Variants in LRBA observed in about 807,000 individuals in gnomAD.
The protein encoded by LRBA is lipopolysaccharide-responsive and beige-like anchor protein.
Under a neutral mutation model 330.0 loss-of-function variants are expected in LRBA, and 176 were observed. The observed-to-expected ratio is 0.53, with a 90% confidence interval of 0.47 to 0.60. LRBA has a LOEUF of 0.60. Ranked by LOEUF, LRBA falls within the 20% of genes least tolerant of loss-of-function variation. The pLI is 0.00. For synonymous variants in LRBA, 1,230 were observed against 1,193.0 expected (o/e 1.03, Z -0.64); for missense variants, 3,259 against 3,444.8 (o/e 0.95, Z 1.35).
intron 33 of LRBA, among the ~76,000 whole-genome samples, chr4:150,803,079 T>TACACACACACACACACAC (rs1203657007): frequency 9.2e-5 from 10 of 108,238 alleles, no homozygotes; most frequent in African/African-American, 4.0e-4. Context: ...AAAAAAAATA[T>TACACACACACACACACAC]ATATACACAC....
intron 40 of LRBA, among the ~76,000 whole-genome samples, chr4:150,507,995 G>T (rs112332170): frequency 2.7e-5 from 4 of 146,820 alleles, no homozygotes; most frequent in Non-Finnish European, 6.0e-5. Flanking sequence ...ACCAAACACC[G>T]CATGTTCTCA....
At chr4:150,402,861 A>C (rs1483735505) in intron 47 of LRBA, among the ~76,000 whole-genome samples, 1 of 152,216 alleles carries the variant, frequency 6.6e-6, no homozygotes, top group African/African-American at 2.4e-5. Context: ...ACCGGACCAC[A>C]AAAAACTAAG....
intron 36 of LRBA, among the ~76,000 whole-genome samples, chr4:150,687,771 T>G (rs980730162): frequency 6.6e-6 from 1 of 152,002 alleles, no homozygotes; most frequent in South Asian, 2.1e-4. Flanking sequence ...CTACCTAATT[T>G]TACTATTCAT....
chr4:150,341,842 T>C (rs1488291552), intron 48 of LRBA, among the ~76,000 whole-genome samples: 1 of 151,768 alleles, frequency 6.6e-6, no homozygotes, highest in Non-Finnish European at 1.5e-5. Flanking sequence ...CTAGATAGCT[T>C]TCAACCTTTG....
At chr4:150,380,574 TAAAA>T (rs879741224) in intron 47 of LRBA, among the ~76,000 whole-genome samples, 3 of 138,850 alleles carry the variant, frequency 2.2e-5, no homozygotes, top group Non-Finnish European at 3.1e-5. Flanking sequence ...AATTACTGAC[TAAAA>T]AAAAAAAAAT....
At chr4:150,436,898 T>G (rs1435014687) in intron 44 of LRBA, 34 bp from the exon 45 acceptor site, 2 of 1,593,928 alleles carry the variant, frequency 1.3e-6, no homozygotes, top group Non-Finnish European at 1.7e-6. Flanking sequence ...AAAGAATACA[T>G]CAATGTAATC....
chr4:150,425,135 T>A (rs1048423196), intron 46 of LRBA, among the ~76,000 whole-genome samples: 1 of 152,244 alleles, frequency 6.6e-6, no homozygotes, highest in Admixed American at 6.5e-5. Flanking sequence ...AGTTCAAAAT[T>A]ATCTCTTTTG....
intron 47 of LRBA, among the ~76,000 whole-genome samples, chr4:150,392,958 T>C (rs1744206777): frequency 6.6e-6 from 1 of 151,678 alleles, no homozygotes; most frequent in South Asian, 2.1e-4. Context: ...ATGGCACATG[T>C]ATACCTATGT....
chr4:150,920,367 G>C (rs1458811918), intron 5 of LRBA, among the ~76,000 whole-genome samples: 1 of 152,128 alleles, frequency 6.6e-6, no homozygotes, highest in Non-Finnish European at 1.5e-5. Context: ...TGGCCAACAT[G>C]GCAAAACCCC....
chr4:150,934,765 T>A (rs866181798), intron 2 of LRBA, among the ~76,000 whole-genome samples: 1 of 151,980 alleles, frequency 6.6e-6, no homozygotes, highest in African/African-American at 2.4e-5. Context: ...TCCCAGCACT[T>A]TGGGAGGCCG....
chr4:150,806,202 C>A, intron 33 of LRBA, 69 bp downstream of exon 33: 2 of 1,187,452 alleles, frequency 1.7e-6, no homozygotes, highest in Non-Finnish European at 2.3e-6. Flanking sequence ...CATGTTATTT[C>A]ATTATCCATG....
intron 40 of LRBA, among the ~76,000 whole-genome samples, chr4:150,508,095 A>C (rs1351611948): frequency 1.3e-4 from 18 of 136,138 alleles, no homozygotes; most frequent in African/African-American, 4.8e-4. Flanking sequence ...GGGGGAGGGG[A>C]GGGATAGCAT....
At chr4:150,621,895 A>G (rs757567263) in intron 37 of LRBA, among the ~76,000 whole-genome samples, 12 of 152,186 alleles carry the variant, frequency 7.9e-5, no homozygotes, top group Non-Finnish European at 1.6e-4. Flanking sequence ...CTTTTGATCA[A>G]TGTAAAGAAG....
intron 13 of LRBA, among the ~76,000 whole-genome samples, chr4:150,904,349 TA>T (rs1294142387): frequency 6.6e-6 from 1 of 152,064 alleles, no homozygotes; most frequent in Non-Finnish European, 1.5e-5. Context: ...GTCTTTACAA[TA>T]AAATAAAAGC....
At chr4:150,745,235 GA>G (rs1732530048) in intron 35 of LRBA, among the ~76,000 whole-genome samples, 1 of 152,172 alleles carries the variant, frequency 6.6e-6, no homozygotes, top group South Asian at 2.1e-4. Context: ...CTGACCCACA[GA>G]AACTGTAGGA....
At chr4:150,931,957 C>T (rs1290295548) in intron 2 of LRBA, among the ~76,000 whole-genome samples, 1 of 151,878 alleles carries the variant, frequency 6.6e-6, no homozygotes. Flanking sequence ...GCCTGTAATC[C>T]CAGCACTTCT....
intron 48 of LRBA, among the ~76,000 whole-genome samples, chr4:150,340,409 C>A (rs544782805): frequency 2.0e-5 from 3 of 152,144 alleles, no homozygotes; most frequent in Non-Finnish European, 4.4e-5. Flanking sequence ...TCTCATACTG[C>A]ACCAACATTA....
rs755461315 is a variant in LRBA at position 150,487,852 on chromosome 4, T to C, written c.6449-18A>G. Reference sequence around the variant, plus strand: ...CACAGCAACTACAACAGATGATTTTTAAAAATTAGAACACAGTATAACTTC... The same window carrying C: ...CACAGCAACTACAACAGATGATTTTCAAAAATTAGAACACAGTATAACTTC... On this transcript the variant is annotated intron_variant, in intron 41 of 56. Coordinates refer to ENST00000651943, the MANE Select transcript of LRBA (RefSeq NM_001364905.1). The C allele has an allele frequency of 1.0e-4, 144 of 1,427,302 alleles. 1 individual carries two copies. Among genetic ancestry groups the C allele is most frequent in the Admixed American group, 3.4e-4 (20 of 58,296 alleles). The allele number at this position is 1,427,302 out of a possible 1,614,324, so 88.4% of individuals were successfully genotyped here. A position where few individuals can be genotyped will look rare whatever the true frequency, so the allele number is the denominator to read the frequency against.
At chr4:150,489,071 T>A (rs1472241035) in intron 41 of LRBA, among the ~76,000 whole-genome samples, 1 of 94,400 alleles carries the variant, frequency 1.1e-5, no homozygotes, top group Non-Finnish European at 1.9e-5. Context: ...ATATAATATA[T>A]TATATATAAT....
Sources: allele counts gnomAD v4.1 joint callset (sites outside exome capture counted in the v4.1 genomes callset), GRCh38; gene constraint gnomAD v4.1.1; transcripts MANE v1.5; gene names NCBI Gene and HGNC (gene_info 2026-07-23, HGNC 2026-07-21).